RABGAP1L: variants seen among roughly 807,000 people sequenced by gnomAD.
RABGAP1L encodes RAB GTPase activating protein 1 like.
In RABGAP1L, 63 loss-of-function variants were observed where a neutral mutation model predicts 137.7. That is an observed-to-expected ratio of 0.46 (90% CI 0.37 to 0.56). The LOEUF is 0.56. Ranked by LOEUF, RABGAP1L falls within the 20% of genes least tolerant of loss-of-function variation. RABGAP1L has a pLI of 0.00. For missense variants in RABGAP1L, 1,095 were observed against 1,244.0 expected (o/e 0.88, Z 1.80); for synonymous variants, 431 against 433.7 (o/e 0.99, Z 0.08).
chr1:174,391,336 T>C (rs1412870396), intron 12 of RABGAP1L, among the ~76,000 whole-genome samples: 1 of 152,152 alleles, frequency 6.6e-6, no homozygotes, highest in East Asian at 1.9e-4. Context: ...GTTCTTAATT[T>C]TTAAATTTTG....
intron 13 of RABGAP1L, among the ~76,000 whole-genome samples, chr1:174,521,972 A>G (rs1168424127): frequency 6.6e-6 from 1 of 152,066 alleles, no homozygotes; most frequent in South Asian, 2.1e-4. Context: ...TCAGCTACTC[A>G]GGAGGCTGAA....
rs1199418349 is a variant in RABGAP1L, at chr1:174,675,265, A to G, written c.1825-8257A>G. Among the ~76,000 whole-genome samples, 11 of 151,444 alleles carry G rather than the reference A, an allele frequency of 7.3e-5. No individual in the cohort carries two copies. The South Asian group carries it at 1.0e-3, about 14-fold the overall frequency. ...TAATCCATCTTGAATTAATTTTTGT[A>G]TAAGGTGTAAGGAAGGGATCCAGTT... On this transcript the variant is annotated intron_variant, in intron 14 of 25. Coordinates refer to ENST00000681986, the MANE Select transcript of RABGAP1L (RefSeq NM_001366446.1).
At chr1:174,304,697 C>G (rs1678031836) in intron 10 of RABGAP1L, among the ~76,000 whole-genome samples, 2 of 152,170 alleles carry the variant, frequency 1.3e-5, no homozygotes, top group Non-Finnish European at 2.9e-5. Context: ...TCTGTCTGTC[C>G]TAGAACCTCT....
At position 174,674,199 on chromosome 1, in the gene RABGAP1L, T is replaced by A. The variant is rs547768335; in HGVS notation, c.1825-9323T>A. ...GTGTGCTGCACCCATTAACTCGTCA[T>A]TTAGCATTAGGTGTATCTCCTAATG... On this transcript the variant is annotated intron_variant, in intron 14 of 25. Coordinates refer to ENST00000681986, the MANE Select transcript of RABGAP1L (RefSeq NM_001366446.1). 8.0e-5 allele frequency among the ~76,000 whole-genome samples: 12 copies of A among 150,340 alleles called. 1 individual carries two copies. In the South Asian group the frequency reaches 2.6e-3, roughly 33 times the overall value.
intron 13 of RABGAP1L, among the ~76,000 whole-genome samples, chr1:174,517,130 A>C (rs890814942): frequency 1.3e-5 from 2 of 152,128 alleles, no homozygotes; most frequent in Middle Eastern, 6.8e-3. Context: ...TCAGATACAG[A>C]CGTGAATAAT....
intron 19 of RABGAP1L, among the ~76,000 whole-genome samples, chr1:174,904,139 G>A (rs1051202708): frequency 6.6e-6 from 1 of 152,008 alleles, no homozygotes; most frequent in Admixed American, 6.6e-5. Flanking sequence ...CCAAGGTTCT[G>A]CTCTCTCCCC....
chr1:174,933,117 T>TACA (rs1306561572), intron 19 of RABGAP1L, among the ~76,000 whole-genome samples: 2 of 152,036 alleles, frequency 1.3e-5, no homozygotes, highest in Non-Finnish European at 1.5e-5. Flanking sequence ...CATACATACA[T>TACA]TTATACATAC....
At chr1:174,522,078 CA>C (rs72074759) in intron 13 of RABGAP1L, among the ~76,000 whole-genome samples, 28,829 of 147,618 alleles carry the variant, frequency 0.2, 3,222 homozygotes, top group East Asian at 0.54. Flanking sequence ...GACTCTGTCT[CA>C]AAAAAAAAAA....
chr1:174,476,354 A>G (rs1324384821), intron 13 of RABGAP1L, among the ~76,000 whole-genome samples: 1 of 152,164 alleles, frequency 6.6e-6, no homozygotes. Flanking sequence ...ATTTCATTCA[A>G]ATTTGAATAT....
chr1:174,403,685 A>C (rs1433044673), intron 13 of RABGAP1L, among the ~76,000 whole-genome samples: 3 of 152,082 alleles, frequency 2.0e-5, no homozygotes, highest in South Asian at 2.1e-4. Flanking sequence ...GCATGTTTCT[A>C]ATTTAATACA....
At chr1:174,241,448 A>G (rs1466740366) in intron 4 of RABGAP1L, 35 bp from the exon 5 acceptor site, 4 of 1,371,188 alleles carry the variant, frequency 2.9e-6, no homozygotes, top group Non-Finnish European at 3.9e-6. Context: ...TTCGAGAATT[A>G]ATATTTTATC....
chr1:174,801,801 A>G (rs185002400), intron 18 of RABGAP1L, among the ~76,000 whole-genome samples: 50 of 151,990 alleles, frequency 3.3e-4, no homozygotes, highest in African/African-American at 9.4e-4. Flanking sequence ...TTTGTTTTGT[A>G]AGTGAAATGA....
intron 13 of RABGAP1L, among the ~76,000 whole-genome samples, chr1:174,450,328 G>A (rs374993227): frequency 3.3e-5 from 5 of 152,040 alleles, no homozygotes; most frequent in African/African-American, 9.7e-5. Flanking sequence ...TGTGATATGC[G>A]TTTGCACATA....
chr1:174,407,922 G>T (rs1210715543), intron 13 of RABGAP1L, among the ~76,000 whole-genome samples: 1 of 152,132 alleles, frequency 6.6e-6, no homozygotes, highest in Admixed American at 6.5e-5. Context: ...ACATGGAGAT[G>T]ATTAGCATTA....
At chr1:174,395,650 T>A (rs1647747554) in intron 13 of RABGAP1L, among the ~76,000 whole-genome samples, 1 of 152,086 alleles carries the variant, frequency 6.6e-6, no homozygotes, top group Non-Finnish European at 1.5e-5. Context: ...TGGAACTGAT[T>A]GTTAAAAGCA....
intron 13 of RABGAP1L, among the ~76,000 whole-genome samples, chr1:174,637,088 T>G (rs1291004802): frequency 6.6e-6 from 1 of 152,186 alleles, no homozygotes; most frequent in African/African-American, 2.4e-5. Flanking sequence ...TCTAGTTTGC[T>G]TCAATGGAGA....
intron 13 of RABGAP1L, chr1:174,449,092 C>T (rs778704329): frequency 6.2e-7 from 1 of 1,613,942 alleles, no homozygotes; most frequent in South Asian, 1.1e-5. Context: ...TCCGGCTAGG[C>T]CTCCGAAGAC....
chr1:174,237,743 T>C (rs1485932299), intron 4 of RABGAP1L, among the ~76,000 whole-genome samples: 9 of 126,184 alleles, frequency 7.1e-5, no homozygotes, highest in South Asian at 2.9e-4. Flanking sequence ...CTGACAATTA[T>C]GTGTCTTGGA....
chr1:174,840,582 C>G (rs1012582571), intron 19 of RABGAP1L, among the ~76,000 whole-genome samples: 1 of 147,712 alleles, frequency 6.8e-6, no homozygotes, highest in Non-Finnish European at 1.5e-5. Flanking sequence ...GAGGCTGAGG[C>G]GTGCGGATCA....
Sources: gnomAD v4.1 joint callset for allele counts (sites outside exome capture counted in the v4.1 genomes callset) on GRCh38, gnomAD v4.1.1 for gene constraint, MANE v1.5 for transcripts, NCBI Gene and HGNC (gene_info 2026-07-23, HGNC 2026-07-21) for gene names.